NCOR1: variants seen among roughly 807,000 people sequenced by gnomAD.
The protein encoded by NCOR1 is protein phosphatase 1, regulatory subunit 109.
A neutral mutation model predicts 288.1 loss-of-function variants in NCOR1; 63 were observed. The ratio of observed to expected loss-of-function variants is 0.22; its 90% CI spans 0.18 to 0.27. The LOEUF (loss-of-function observed/expected upper bound fraction) is 0.27. Among genes scored for constraint, NCOR1 ranks in the 10% least tolerant of loss-of-function variants. The pLI, the probability that NCOR1 is intolerant of heterozygous loss-of-function variation, is 1.00. For missense variants in NCOR1, 2,397 were observed against 3,019.2 expected, an observed-to-expected ratio of 0.79 and a Z score of 4.83; for synonymous variants, 1,007 against 1,065.9, an observed-to-expected ratio of 0.94 and a Z score of 1.08.
In NCOR1 at chr17:16,029,250, G is replaced by A. The variant is rs1971743807; in HGVS notation, c.*3046C>T. 2.2e-6 allele frequency: 1 copy of A among 453,714 alleles called. No individual in the cohort carries two copies. Among genetic ancestry groups the A allele is most frequent in the Non-Finnish European group, 4.4e-6 (1 of 226,706 alleles). The allele number at this position is 453,714 out of a possible 1,614,324, so 28.1% of individuals were successfully genotyped here. A position where few individuals can be genotyped will look rare whatever the true frequency, so the allele number is the denominator to read the frequency against. On this transcript the variant is annotated 3_prime_UTR_variant, in exon 46 of 46. Transcript: ENST00000268712. ...TTGTTGGAAACACTAGGAGTTTTCA[G>A]GACAGTCTCTTCATGTGGGTGTTTT...
intron 17 of NCOR1, among the ~76,000 whole-genome samples, chr17:16,118,572 C>G (rs192639948): frequency 1.3e-5 from 2 of 152,156 alleles, no homozygotes; most frequent in East Asian, 1.9e-4. Context: ...TAACACTTCT[C>G]TAATCAATAT....
rs1240529144 is a variant in NCOR1 at position 16,193,900 on chromosome 17, T to A, written c.108+562A>T. On this transcript the variant is annotated intron_variant, in intron 2 of 45. Coordinates refer to ENST00000268712, the MANE Select transcript of NCOR1 (RefSeq NM_006311.4). ...GACCGTTTTATCCCATCCTTTCCTA[T>A]TTTTCTTTAAACCTCTTACACCCAT... is the stretch of plus-strand genomic sequence containing the variant. Among the ~76,000 whole-genome samples the A allele has an allele frequency of 2.0e-5, 3 of 152,046 alleles. No homozygotes were observed. The East Asian group carries it at 5.8e-4, about 29-fold the overall frequency.
intron 14 of NCOR1, among the ~76,000 whole-genome samples, chr17:16,127,367 ATGTATG>A (rs1158189083): frequency 8.9e-6 from 1 of 111,778 alleles, no homozygotes; most frequent in African/African-American, 4.3e-5. Flanking sequence ...GTATATATAC[ATGTATG>A]TATATATGTA....
intron 2 of NCOR1, among the ~76,000 whole-genome samples, chr17:16,187,540 TAA>T (rs35461013): frequency 0.013 from 1,781 of 139,936 alleles, 11 homozygotes; most frequent in African/African-American, 0.017. Flanking sequence ...ATACTAAGTT[TAA>T]AAAAAAAAAA....
At chr17:16,185,221 A>G (rs1018180599) in intron 3 of NCOR1, among the ~76,000 whole-genome samples, 6 of 152,244 alleles carry the variant, frequency 3.9e-5, no homozygotes, top group African/African-American at 1.4e-4. Flanking sequence ...ATGATAAATG[A>G]GTAGATTTTA....
intron 26 of NCOR1, among the ~76,000 whole-genome samples, chr17:16,076,099 G>C (rs1484364939): frequency 6.6e-6 from 1 of 152,204 alleles, no homozygotes; most frequent in East Asian, 1.9e-4. Context: ...TTTGATACTG[G>C]AATACATTCT....
chr17:16,099,716 C>T (rs1381361574), intron 20 of NCOR1, among the ~76,000 whole-genome samples: 1 of 152,080 alleles, frequency 6.6e-6, no homozygotes, highest in Non-Finnish European at 1.5e-5. Context: ...AGCTTGAATC[C>T]ATTTATGTTT....
chr17:16,041,151 G>GA (rs1033907559), intron 42 of NCOR1: 6 of 152,152 alleles, frequency 3.9e-5, no homozygotes, highest in African/African-American at 1.4e-4. Context: ...ATATTTGCTG[G>GA]AAAAAACAAA....
intron 18 of NCOR1, among the ~76,000 whole-genome samples, chr17:16,109,243 AAT>A (rs535907006): frequency 6.6e-6 from 1 of 151,844 alleles, no homozygotes; most frequent in African/African-American, 2.4e-5. Context: ...TAATAAAAAC[AAT>A]ATATATATAT....
chr17:16,198,148 G>A (rs2090173650), intron 1 of NCOR1: 1 of 151,708 alleles, frequency 6.6e-6, no homozygotes, highest in African/African-American at 2.4e-5. Flanking sequence ...ACGAGGTCAG[G>A]AGATCGAGAT....
At chr17:16,080,822 A>T in intron 23 of NCOR1, 95 bp from the exon 24 acceptor site, 4 of 1,117,178 alleles carry the variant, frequency 3.6e-6, no homozygotes, top group African/African-American at 3.2e-5. Flanking sequence ...TTTCTGTTTA[A>T]AAAAAAAAAA....
intron 19 of NCOR1, 94 bp downstream of exon 19, chr17:16,108,692 T>G (rs1306634932): frequency 1.9e-5 from 20 of 1,057,006 alleles, no homozygotes; most frequent in Non-Finnish European, 2.5e-5. Context: ...GGCACACTGT[T>G]TCCTCAATGA....
chr17:16,190,886 ACCT>A (rs2088103834), intron 2 of NCOR1, among the ~76,000 whole-genome samples: 1 of 152,230 alleles, frequency 6.6e-6, no homozygotes, highest in South Asian at 2.1e-4. Flanking sequence ...GGTAAGCCCT[ACCT>A]ACCATACTCT....
At position 16,061,385 on chromosome 17, in the gene NCOR1, G is replaced by A. The variant is rs368990842; in HGVS notation, c.5881+16C>T. The A allele has an allele frequency of 3.5e-5, 56 of 1,604,524 alleles. No homozygotes were observed. The highest frequency in any genetic ancestry group is 6.6e-5 in the South Asian group (6 of 90,320). On this transcript the variant is annotated intron_variant, in intron 37 of 45. Coordinates refer to ENST00000268712, the MANE Select transcript of NCOR1 (RefSeq NM_006311.4). ...ACTCAGACATCACATTGTGAAACTCGGATTGAGATACATACAGCTACTAGA... is the reference window on the plus strand; with the variant it reads ...ACTCAGACATCACATTGTGAAACTCAGATTGAGATACATACAGCTACTAGA...
chr17:16,100,557 C>T (rs571546942), intron 20 of NCOR1, among the ~76,000 whole-genome samples: 18 of 152,210 alleles, frequency 1.2e-4, no homozygotes, highest in Non-Finnish European at 2.4e-4. Context: ...AGGAGAATCA[C>T]GTGAACTCAA....
chr17:16,139,929 T>C (rs530971135), intron 11 of NCOR1, among the ~76,000 whole-genome samples: 96 of 152,338 alleles, frequency 6.3e-4, no homozygotes, highest in African/African-American at 2.2e-3. Flanking sequence ...TACTGCCTAA[T>C]AGTCAAGTCC....
intron 14 of NCOR1, among the ~76,000 whole-genome samples, chr17:16,130,514 T>C (rs752864819): frequency 6.6e-6 from 1 of 152,120 alleles, no homozygotes; most frequent in Admixed American, 6.5e-5. Context: ...TTAAACTCAA[T>C]ACTTGAGAGC....
chr17:16,175,657 G>A (rs554494471), intron 3 of NCOR1, among the ~76,000 whole-genome samples: 2 of 152,160 alleles, frequency 1.3e-5, no homozygotes, highest in Admixed American at 1.3e-4. Context: ...GGGGGCCAAG[G>A]CAGGAGGATC....
At chr17:16,079,747 G>A (rs1047778289) in intron 26 of NCOR1, among the ~76,000 whole-genome samples, 3 of 152,112 alleles carry the variant, frequency 2.0e-5, no homozygotes, top group Admixed American at 2.0e-4. Context: ...GCAAATAAGT[G>A]ACCTTTTCAA....
Sources: allele counts gnomAD v4.1 joint callset (sites outside exome capture counted in the v4.1 genomes callset), GRCh38; gene constraint gnomAD v4.1.1; transcripts MANE v1.5; gene names NCBI Gene and HGNC (gene_info 2026-07-23, HGNC 2026-07-21).